The following ADAMTS18 variants were observed in gnomAD, a reference collection of about 807,000 sequenced individuals.
ADAMTS18 encodes A disintegrin and metalloproteinase with thrombospondin motifs 18.
In ADAMTS18, 157 loss-of-function variants were observed where a neutral mutation model predicts 165.9. That is an observed-to-expected ratio of 0.95 (90% CI 0.83 to 1.08). The LOEUF is 1.08. Ranked by LOEUF, ADAMTS18 falls within the 50% of genes least tolerant of loss-of-function variation. The probability of loss-of-function intolerance (pLI) is 0.00; values close to 1 mark genes in which losing one functional copy is unlikely to be tolerated. For synonymous variants in ADAMTS18, 782 were observed against 578.2 expected (o/e 1.35, Z -5.06); for missense variants, 2,040 against 1,534.0 (o/e 1.33, Z -5.51).
At chr16:77,403,195 G>C (rs1429068269) in intron 3 of ADAMTS18, among the ~76,000 whole-genome samples, 1 of 152,068 alleles carries the variant, frequency 6.6e-6, no homozygotes, top group Admixed American at 6.6e-5. Flanking sequence ...TAGATAAGTG[G>C]GAAAGAAAAT....
intron 3 of ADAMTS18, among the ~76,000 whole-genome samples, chr16:77,370,215 G>T (rs2056856721): frequency 6.6e-6 from 1 of 152,132 alleles, no homozygotes; most frequent in African/African-American, 2.4e-5. Flanking sequence ...ATTCTACATA[G>T]TACTGGAAGT....
Position 77,381,541 on chromosome 16 carries a change from C to G in ADAMTS18, c.496-13818G>C, listed in dbSNP as rs535250558. Among the ~76,000 whole-genome samples the G allele has an allele frequency of 1.1e-4, 17 of 152,232 alleles. No individual in the cohort carries two copies. In the East Asian group the frequency reaches 3.1e-3, roughly 28 times the overall value. On this transcript the variant is annotated intron_variant, in intron 3 of 22. Transcript: ENST00000282849. ...AGAGTCGGCTGGGTGGGGTGGCTCA[C>G]GCCTGTAATCCCAGCACTTTGGGAG... is the stretch of plus-strand genomic sequence containing the variant.
At chr16:77,313,963 TATA>T (rs1453188350) in intron 16 of ADAMTS18, among the ~76,000 whole-genome samples, 1 of 152,178 alleles carries the variant, frequency 6.6e-6, no homozygotes, top group African/African-American at 2.4e-5. Flanking sequence ...TTAATTAAAG[TATA>T]ATATCAGGGG....
chr16:77,420,415 C>G (rs1597253644), intron 3 of ADAMTS18, among the ~76,000 whole-genome samples: 4 of 152,236 alleles, frequency 2.6e-5, no homozygotes, highest in Admixed American at 2.6e-4. Flanking sequence ...TAAAATAACA[C>G]AGATGTTTGG....
chr16:77,380,133 T>C, intron 3 of ADAMTS18, among the ~76,000 whole-genome samples: 1 of 152,208 alleles, frequency 6.6e-6, no homozygotes, highest in East Asian at 1.9e-4. Context: ...AGGCTCAAAA[T>C]GAATTATCCT....
chr16:77,283,866 G>A lies in ADAMTS18; in HGVS notation c.*90C>T. 9.9e-7 allele frequency: 1 copy of A among 1,007,960 alleles called. No individual in the cohort carries two copies. The allele number at this position is 1,007,960 out of a possible 1,614,324, so 62.4% of individuals were successfully genotyped here. The stretch of plus-strand genomic sequence containing the variant: ...AGCGGCAGCTCACAGATGGTTCTCG[G>A]TGCTCAGCTCCTGGTCTCAAAGGCA... On this transcript the variant is annotated 3_prime_UTR_variant, in exon 23 of 23. Coordinates refer to ENST00000282849, the MANE Select transcript of ADAMTS18 (RefSeq NM_199355.4).
intron 16 of ADAMTS18, among the ~76,000 whole-genome samples, chr16:77,304,101 T>C (rs899213470): frequency 3.9e-5 from 6 of 151,940 alleles, no homozygotes; most frequent in Non-Finnish European, 8.8e-5. Flanking sequence ...GGGGAGGAAA[T>C]CACATTATCA....
At chr16:77,412,096 G>T (rs974569404) in intron 3 of ADAMTS18, among the ~76,000 whole-genome samples, 58 of 152,028 alleles carry the variant, frequency 3.8e-4, no homozygotes, top group African/African-American at 1.4e-3. Context: ...CTCCCCAATG[G>T]GTCTCATTCA....
At chr16:77,306,549 TAAGGC>T (rs1239364072) in intron 16 of ADAMTS18, among the ~76,000 whole-genome samples, 1 of 152,258 alleles carries the variant, frequency 6.6e-6, no homozygotes, top group Non-Finnish European at 1.5e-5. Context: ...TTTCATTATT[TAAGGC>T]CTCTTTTTTT....
intron 10 of ADAMTS18, among the ~76,000 whole-genome samples, chr16:77,348,027 G>C (rs931173642): frequency 2.0e-5 from 3 of 151,956 alleles, no homozygotes; most frequent in Admixed American, 2.0e-4. Flanking sequence ...TATTATTATA[G>C]GATGGAAAGA....
At chr16:77,286,581 C>T (rs183984669) in intron 22 of ADAMTS18, among the ~76,000 whole-genome samples, 47 of 151,962 alleles carry the variant, frequency 3.1e-4, no homozygotes, top group Non-Finnish European at 5.6e-4. Context: ...AGCTCCATAG[C>T]TAGCTCCATA....
intron 3 of ADAMTS18, among the ~76,000 whole-genome samples, chr16:77,392,919 G>C (rs1336567303): frequency 6.6e-6 from 1 of 152,106 alleles, no homozygotes; most frequent in African/African-American, 2.4e-5. Flanking sequence ...TGAGTGGGCT[G>C]GCAGAGGGAA....
rs200629744 is a variant in ADAMTS18, at chr16:77,375,890, C to CTTTTTTTTT, written c.496-8176_496-8168dup. ...TTTTATGTCGTTTTTTCTTTCTTTC[C>CTTTTTTTTT]TTTTTTTTTTTTTTTTTTTTTTTTT... On this transcript the variant is annotated intron_variant, in intron 3 of 22. Coordinates refer to ENST00000282849, the MANE Select transcript of ADAMTS18 (RefSeq NM_199355.4). Among the ~76,000 whole-genome samples, 219 of 93,852 alleles carry CTTTTTTTTT rather than the reference C, an allele frequency of 2.3e-3. 7 individuals are homozygous for CTTTTTTTTT. Among genetic ancestry groups the CTTTTTTTTT allele is most frequent in the Non-Finnish European group, 3.7e-3 (180 of 48,304 alleles). 61.6% of individuals were successfully genotyped at this position (93,852 alleles called of 152,430 possible). A position where few individuals can be genotyped will look rare whatever the true frequency, so the allele number is the denominator to read the frequency against.
At chr16:77,401,345 A>G (rs1341492830) in intron 3 of ADAMTS18, among the ~76,000 whole-genome samples, 1 of 152,224 alleles carries the variant, frequency 6.6e-6, no homozygotes, top group African/African-American at 2.4e-5. Flanking sequence ...AATAGCAAAT[A>G]TGTTTACTGT....
At chr16:77,337,822 T>C (rs751231656) in intron 11 of ADAMTS18, among the ~76,000 whole-genome samples, 1 of 152,090 alleles carries the variant, frequency 6.6e-6, no homozygotes. Context: ...CCTGCACACA[T>C]TCACATGAAT....
intron 3 of ADAMTS18, among the ~76,000 whole-genome samples, chr16:77,394,702 G>T (rs536522010): frequency 6.6e-6 from 1 of 152,156 alleles, no homozygotes; most frequent in African/African-American, 2.4e-5. Flanking sequence ...AAAATTTCAA[G>T]AAAGTATTTA....
At chr16:77,353,355 T>C (rs993328172) in intron 10 of ADAMTS18, among the ~76,000 whole-genome samples, 1 of 152,224 alleles carries the variant, frequency 6.6e-6, no homozygotes, top group Non-Finnish European at 1.5e-5. Flanking sequence ...ATAAAAGGCA[T>C]ATAATGTATT....
intron 13 of ADAMTS18, among the ~76,000 whole-genome samples, chr16:77,322,957 C>G (rs892537454): frequency 6.6e-6 from 1 of 151,918 alleles, no homozygotes; most frequent in Admixed American, 6.6e-5. Context: ...GTTTCAGGCA[C>G]CAGGGAGAAA....
At position 77,419,451 on chromosome 16, in the gene ADAMTS18, G is replaced by T. The variant is rs188738492; in HGVS notation, c.495+11844C>A. On this transcript the variant is annotated intron_variant, in intron 3 of 22. Coordinates refer to ENST00000282849, the MANE Select transcript of ADAMTS18 (RefSeq NM_199355.4). ...TGTCATGGCCTCTTCCATCTCCAAA[G>T]TCCACAATGGAGAATTTCTCATATG... Among the ~76,000 whole-genome samples the T allele has an allele frequency of 1.0e-3, 154 of 152,170 alleles. 2 individuals carry two copies. Among genetic ancestry groups the T allele is most frequent in the Non-Finnish European group, 2.2e-4 (15 of 68,016 alleles).
Sources: allele counts gnomAD v4.1 joint callset (sites outside exome capture counted in the v4.1 genomes callset), GRCh38; gene constraint gnomAD v4.1.1; transcripts MANE v1.5; gene names NCBI Gene and HGNC (gene_info 2026-07-23, HGNC 2026-07-21).